CEP152: variants seen among roughly 807,000 people sequenced by gnomAD.
The protein encoded by CEP152 is centrosomal protein 152, also known as centrosomal protein of 152 kDa.
A neutral mutation model predicts 188.9 loss-of-function variants in CEP152; 132 were observed. The observed-to-expected ratio is 0.70, with a 90% CI of 0.61 to 0.81. The LOEUF (loss-of-function observed/expected upper bound fraction) is 0.81, where lower values mean the gene tolerates loss of function less well. Ranked by LOEUF, CEP152 falls within the 30% of genes least tolerant of loss-of-function variation. The pLI is 0.00. For synonymous variants in CEP152, 649 were observed against 666.6 expected, an observed-to-expected ratio of 0.97 and a Z score of 0.41; for missense variants, 1,914 against 1,969.8, an observed-to-expected ratio of 0.97 and a Z score of 0.54.
Position 48,805,609 on chromosome 15 carries a change from T to A in CEP152, c.41A>T (p.Asn14Ile). The A allele has an allele frequency of 6.2e-7, 1 of 1,609,122 alleles. No homozygotes were observed. Among genetic ancestry groups the A allele is most frequent in the Non-Finnish European group, 8.5e-7 (1 of 1,177,856 alleles). ...DFGSVALPVQNEDEEYDEEDY... is the reference protein window; with the variant it reads ...DFGSVALPVQIEDEEYDEEDY... ...CTCTTCGTCATACTCTTCATCTTCA[T>A]TTTGCACTGGTAGTGCCACACTGCC... is the stretch of plus-strand genomic sequence containing the variant. Residue 14 changes from asparagine to isoleucine, a missense_variant, in exon 2 of 27, where the codon AAT becomes ATT. Asn to Ile is a moderately radical substitution (Grantham distance 149). Coordinates refer to ENST00000380950, the MANE Select transcript of CEP152 (RefSeq NM_001194998.2).
chr15:48,791,792 C>T (rs1321380936), intron 7 of CEP152, among the ~76,000 whole-genome samples: 1 of 151,762 alleles, frequency 6.6e-6, no homozygotes, highest in Non-Finnish European at 1.5e-5. Flanking sequence ...GCTGGGATTA[C>T]AGGCGTGAGC....
intron 18 of CEP152, 37 bp downstream of exon 18, chr15:48,762,354 G>C (rs1269411355): frequency 1.3e-6 from 2 of 1,574,760 alleles, no homozygotes; most frequent in Non-Finnish European, 1.7e-6. Context: ...GAGACAGGCA[G>C]TTCCAATAAA....
At chr15:48,804,341 T>C (rs1013875779) in intron 2 of CEP152, among the ~76,000 whole-genome samples, 12 of 152,206 alleles carry the variant, frequency 7.9e-5, no homozygotes, top group African/African-American at 2.9e-4. Context: ...AGTTGCCAGT[T>C]TTCTATCACT....
At chr15:48,760,763 CTCTGAAGG>C (rs1253879964) in intron 18 of CEP152, among the ~76,000 whole-genome samples, 1 of 152,044 alleles carries the variant, frequency 6.6e-6, no homozygotes, top group Non-Finnish European at 1.5e-5. Flanking sequence ...AGGGTGATAC[CTCTGAAGG>C]GAAAAAATTA....
At chr15:48,788,663 G>A (rs1445450774) in intron 9 of CEP152, 138 bp downstream of exon 9, 3 of 919,982 alleles carry the variant, frequency 3.3e-6, no homozygotes, top group Non-Finnish European at 5.3e-6. Context: ...TGGCTTTTAA[G>A]TTTCACTCAC....
intron 2 of CEP152, among the ~76,000 whole-genome samples, chr15:48,799,998 C>T (rs1273511384): frequency 1.3e-5 from 2 of 152,138 alleles, no homozygotes; most frequent in African/African-American, 4.8e-5. Flanking sequence ...CAGTAAGGTT[C>T]AAGTACATAG....
At chr15:48,789,685 G>T (rs1011368183) in intron 8 of CEP152, among the ~76,000 whole-genome samples, 1 of 152,214 alleles carries the variant, frequency 6.6e-6, no homozygotes, top group Non-Finnish European at 1.5e-5. Flanking sequence ...AGGCAGAAAA[G>T]TCAGAACCAG....
chr15:48,768,161 G>A, intron 15 of CEP152, 58 bp downstream of exon 15: 2 of 949,772 alleles, frequency 2.1e-6, no homozygotes, highest in South Asian at 1.3e-5. Flanking sequence ...GGAAGGGCAG[G>A]GACTTAGAGG....
chr15:48,739,192 T>C lies in CEP152; in HGVS notation c.4190A>G (p.Asn1397Ser), dbSNP rs750466545. ...KIPCCIESKSNSVNTITRTLC... is the reference protein window; with the variant it reads ...KIPCCIESKSSSVNTITRTLC... The stretch of plus-strand genomic sequence containing the variant: ...AGTTCTGGTGATGGTGTTTACACTA[T>C]TTGATTTGCTTTCAATACAACATGG... The change falls in exon 27 of 27, where the codon AAT (asparagine) becomes AGT (serine). Residue 1397 changes from asparagine (N) to serine (S), a missense_variant. Physicochemically the swap from Asn to Ser is conservative, Grantham distance 46. Coordinates refer to ENST00000380950, the MANE Select transcript of CEP152 (RefSeq NM_001194998.2). 5.0e-6 allele frequency: 8 copies of C among 1,613,468 alleles called. No individual in the cohort carries two copies. Among genetic ancestry groups the C allele is most frequent in the Non-Finnish European group, 6.8e-6 (8 of 1,179,858 alleles).
intron 23 of CEP152, 140 bp from the exon 24 acceptor site, chr15:48,744,483 A>G: frequency 7.1e-7 from 1 of 1,410,348 alleles, no homozygotes; most frequent in Non-Finnish European, 9.5e-7. Flanking sequence ...TCCACTATAC[A>G]GTTATTTAAA....
At chr15:48,799,406 A>G (rs1897531513) in intron 2 of CEP152, among the ~76,000 whole-genome samples, 1 of 152,204 alleles carries the variant, frequency 6.6e-6, no homozygotes, top group South Asian at 2.1e-4. Flanking sequence ...GGGAATGGGA[A>G]CAGAGTATGT....
chr15:48,796,105 T>A lies in CEP152; in HGVS notation c.596A>T (p.Gln199Leu). 1.9e-6 allele frequency: 3 copies of A among 1,613,924 alleles called. No individual in the cohort carries two copies. The highest frequency in any genetic ancestry group is 2.5e-6 in the Non-Finnish European group (3 of 1,179,856). The change falls in exon 6 of 27, where the codon CAG becomes CTG. Residue 199 changes from glutamine to leucine, a missense_variant. By Grantham distance (113) the Gln-to-Leu change is moderately radical. Transcript: ENST00000380950. ...PYNKVTYKPY[Q>L]SSAQNNGSPA... Reference sequence around the variant, plus strand: ...TGAGCCATTATTCTGGGCAGAAGACTGATAAGGTTTATATGTCACTTTATT... The same window carrying A: ...TGAGCCATTATTCTGGGCAGAAGACAGATAAGGTTTATATGTCACTTTATT...
At position 48,755,968 on chromosome 15, in the gene CEP152, T is replaced by C; in HGVS notation, c.3280A>G (p.Ile1094Val). The change falls in exon 20 of 27, where the codon ATA becomes GTA. Residue 1094 changes from isoleucine to valine, a missense_variant. Ile to Val is a conservative substitution (Grantham distance 29). Coordinates refer to ENST00000380950, the MANE Select transcript of CEP152 (RefSeq NM_001194998.2). ...AGTGTATCTTGAAATGCTTTCTGTA[T>C]GCAGCCCTTTAGTTTTTCAAAATAT... ...VQYFEKLKGCIQKAFQDTLPL... is the reference protein window; with the variant it reads ...VQYFEKLKGCVQKAFQDTLPL... 6.2e-7 allele frequency: 1 copy of C among 1,614,146 alleles called. No homozygotes were observed. The highest frequency in any genetic ancestry group is 8.5e-7 in the Non-Finnish European group (1 of 1,179,982).
chr15:48,762,903 G>C (rs1182209891), intron 17 of CEP152, among the ~76,000 whole-genome samples: 1 of 151,970 alleles, frequency 6.6e-6, no homozygotes, highest in Non-Finnish European at 1.5e-5. Context: ...AAAGATTTAA[G>C]TATGTTGTGT....
At chr15:48,772,344 G>A (rs1350120252) in intron 13 of CEP152, 143 bp downstream of exon 13, 3 of 705,514 alleles carry the variant, frequency 4.3e-6, no homozygotes, top group Non-Finnish European at 4.9e-6. Context: ...CTGGGAGGTT[G>A]AGGCTACAGG....
chr15:48,786,006 A>G (rs1473946606), intron 9 of CEP152, among the ~76,000 whole-genome samples: 1 of 152,130 alleles, frequency 6.6e-6, no homozygotes. Flanking sequence ...GCACACAGGA[A>G]AATGAGGACT....
chr15:48,769,190 A>G (rs911604820), intron 13 of CEP152, 109 bp from the exon 14 acceptor site: 1 of 865,398 alleles, frequency 1.2e-6, no homozygotes, highest in Non-Finnish European at 1.8e-6. Context: ...TAATCTCCAT[A>G]TAGCTTTTAC....
chr15:48,767,092 TCTTC>T lies in CEP152; in HGVS notation c.2244_2247del (p.Lys749ProfsTer32), dbSNP rs1444913922. Reference sequence around the variant, plus strand: ...TGAGTCTGTTGCTCCTTTTCAGTGGTCTTCCTGAGAGTCAATTCTAGATTATCCT... The same window carrying T: ...TGAGTCTGTTGCTCCTTTTCAGTGGTCTGAGAGTCAATTCTAGATTATCCT... On this transcript the variant is annotated frameshift_variant, in exon 17 of 27. Coordinates refer to ENST00000380950, the MANE Select transcript of CEP152 (RefSeq NM_001194998.2). LOFTEE classifies it high-confidence loss of function. 6.2e-7 allele frequency: 1 copy of T among 1,613,372 alleles called. No homozygotes were observed. Among genetic ancestry groups the T allele is most frequent in the South Asian group, 1.1e-5 (1 of 91,080 alleles).
chr15:48,744,172 G>A (rs1893230402), intron 24 of CEP152, 68 bp downstream of exon 24: 2 of 1,587,918 alleles, frequency 1.3e-6, no homozygotes, highest in Non-Finnish European at 1.7e-6. Flanking sequence ...GGTAAACTCT[G>A]AGTTTACTTT....
Sources: allele counts gnomAD v4.1 joint callset (sites outside exome capture counted in the v4.1 genomes callset), GRCh38; gene constraint gnomAD v4.1.1; transcripts MANE v1.5; gene names NCBI Gene and HGNC (gene_info 2026-07-23, HGNC 2026-07-21).